The following ERC2 variants were observed in gnomAD, a reference collection of about 807,000 sequenced individuals.
The protein encoded by ERC2 is ERC protein 2.
Under a neutral mutation model 114.8 loss-of-function variants are expected in ERC2, and 42 were observed. The observed-to-expected ratio is 0.37, with a 90% CI of 0.29 to 0.47. ERC2 has a LOEUF of 0.47. Among genes scored for constraint, ERC2 ranks in the 20% least tolerant of loss-of-function variants. The pLI is 0.99. For synonymous variants in ERC2, 454 were observed against 425.5 expected, an observed-to-expected ratio of 1.07 and a Z score of -0.82; for missense variants, 939 against 1,150.7, an observed-to-expected ratio of 0.82 and a Z score of 2.66.
chr3:56,075,921 T>C (rs1273052800), intron 7 of ERC2, among the ~76,000 whole-genome samples: 1 of 152,176 alleles, frequency 6.6e-6, no homozygotes, highest in Non-Finnish European at 1.5e-5. Context: ...GGTATTACTA[T>C]AAAAAAATTT....
intron 1 of ERC2, among the ~76,000 whole-genome samples, chr3:56,458,206 T>A (rs889393524): frequency 6.6e-6 from 1 of 152,194 alleles, no homozygotes; most frequent in Non-Finnish European, 1.5e-5. Flanking sequence ...AATTACTTAG[T>A]TGAACCTTTG....
At chr3:55,853,456 T>C (rs777875091) in intron 14 of ERC2, among the ~76,000 whole-genome samples, 4 of 151,884 alleles carry the variant, frequency 2.6e-5, no homozygotes, top group South Asian at 2.1e-4. Flanking sequence ...GCCCAGGAGG[T>C]TGAGGCTGCC....
At chr3:55,576,177 G>A (rs1452476778) in intron 17 of ERC2, among the ~76,000 whole-genome samples, 2 of 151,942 alleles carry the variant, frequency 1.3e-5, no homozygotes, top group East Asian at 3.9e-4. Flanking sequence ...CAGGCATGGT[G>A]GCACACCTGT....
At chr3:55,708,846 G>A (rs552279450) in intron 15 of ERC2, among the ~76,000 whole-genome samples, 1 of 134,260 alleles carries the variant, frequency 7.4e-6, no homozygotes, top group Admixed American at 7.4e-5. Flanking sequence ...AGAGAGTGAG[G>A]GAGGGAAGAG....
chr3:56,011,953 C>T (rs2072975301), intron 8 of ERC2, among the ~76,000 whole-genome samples: 1 of 152,146 alleles, frequency 6.6e-6, no homozygotes, highest in Admixed American at 6.5e-5. Flanking sequence ...ATATCTAATG[C>T]TTTCAGCGGA....
At chr3:55,919,906 A>G (rs2065318705) in intron 13 of ERC2, among the ~76,000 whole-genome samples, 1 of 152,208 alleles carries the variant, frequency 6.6e-6, no homozygotes, top group Non-Finnish European at 1.5e-5. Flanking sequence ...GAGGCCACTG[A>G]GTAATTGGCC....
At chr3:56,127,727 G>GAAA (rs202062338) in intron 6 of ERC2, among the ~76,000 whole-genome samples, 2 of 81,446 alleles carry the variant, frequency 2.5e-5, no homozygotes, top group Non-Finnish European at 5.5e-5. Context: ...TGTCTCAAAA[G>GAAA]AAAAAAAAAA....
At chr3:56,329,987 CATATATATTTCCAATAAACAT>C (rs1457432167) in intron 2 of ERC2, among the ~76,000 whole-genome samples, 2 of 150,884 alleles carry the variant, frequency 1.3e-5, no homozygotes, top group Non-Finnish European at 2.9e-5. Context: ...TTCAAATATA[CATATATATTTCCAATAAACAT>C]ATATATATTT....
chr3:56,385,024 C>A (rs1470107454), intron 2 of ERC2, among the ~76,000 whole-genome samples: 3 of 152,060 alleles, frequency 2.0e-5, no homozygotes, highest in Non-Finnish European at 2.9e-5. Flanking sequence ...GCCCTTGTTT[C>A]TTTGAGTAAG....
At chr3:56,070,621 A>C (rs1238442207) in intron 7 of ERC2, among the ~76,000 whole-genome samples, 1 of 152,176 alleles carries the variant, frequency 6.6e-6, no homozygotes, top group Non-Finnish European at 1.5e-5. Context: ...TCTGGCCCTG[A>C]ACTGCATTTT....
At chr3:55,819,358 T>C (rs561248617) in intron 14 of ERC2, among the ~76,000 whole-genome samples, 4 of 152,248 alleles carry the variant, frequency 2.6e-5, no homozygotes, top group African/African-American at 9.6e-5. Flanking sequence ...CCATGTAAAA[T>C]CAGATAATGA....
At chr3:56,052,586 T>C (rs1361849621) in intron 7 of ERC2, among the ~76,000 whole-genome samples, 1 of 152,130 alleles carries the variant, frequency 6.6e-6, no homozygotes, top group Non-Finnish European at 1.5e-5. Context: ...TTAAATTCTG[T>C]GTGTGTTGGG....
At chr3:56,167,959 C>A (rs2150008392) in intron 4 of ERC2, among the ~76,000 whole-genome samples, 1 of 152,300 alleles carries the variant, frequency 6.6e-6, no homozygotes, top group South Asian at 2.1e-4. Flanking sequence ...GCCACTCCAT[C>A]TCTCATGAGC....
At chr3:55,770,651 G>C (rs1575549329) in intron 14 of ERC2, among the ~76,000 whole-genome samples, 1 of 151,998 alleles carries the variant, frequency 6.6e-6, no homozygotes, top group Admixed American at 6.6e-5. Flanking sequence ...TTAAGTTCTG[G>C]GATACATGTG....
chr3:55,591,184 C>CT lies in ERC2; in HGVS notation c.*40-79909dup, dbSNP rs5849105. Among the ~76,000 whole-genome samples the CT allele has an allele frequency of 7.5e-3, 1,079 of 144,656 alleles. 5 individuals are homozygous for CT. Among genetic ancestry groups the CT allele is most frequent in the East Asian group, 0.027 (133 of 4,872 alleles). The allele number at this position is 144,656 out of a possible 152,430, so 94.9% of individuals were successfully genotyped here. A position where few individuals can be genotyped will look rare whatever the true frequency, so the allele number is the denominator to read the frequency against. Reference sequence around the variant, plus strand: ...GTTGATTTTCACTTGTGTCTTTTAGCTTTTTTTTTTTTTTTAAACAAATTT... The same window carrying CT: ...GTTGATTTTCACTTGTGTCTTTTAGCTTTTTTTTTTTTTTTTAAACAAATTT... On this transcript the variant is annotated intron_variant, in intron 17 of 17. Coordinates refer to ENST00000288221, the MANE Select transcript of ERC2 (RefSeq NM_015576.3).
At chr3:56,253,210 T>C (rs2052296514) in intron 3 of ERC2, among the ~76,000 whole-genome samples, 1 of 152,176 alleles carries the variant, frequency 6.6e-6, no homozygotes, top group Non-Finnish European at 1.5e-5. Context: ...AAAAATGTAA[T>C]AATAATAACT....
At chr3:56,019,067 A>G (rs1233978750) in intron 7 of ERC2, 36 bp from the exon 8 acceptor site, 3 of 1,539,928 alleles carry the variant, frequency 1.9e-6, no homozygotes, top group East Asian at 4.8e-5. Flanking sequence ...TGCATATTTG[A>G]TTACATATCC....
intron 3 of ERC2, among the ~76,000 whole-genome samples, chr3:56,271,747 C>T (rs1281322744): frequency 4.6e-5 from 7 of 152,046 alleles, no homozygotes; most frequent in Non-Finnish European, 8.8e-5. Context: ...TTTTTTGATC[C>T]TCACCCTCCT....
chr3:56,216,571 G>A (rs1484151412), intron 3 of ERC2, among the ~76,000 whole-genome samples: 1 of 152,170 alleles, frequency 6.6e-6, no homozygotes, highest in Non-Finnish European at 1.5e-5. Flanking sequence ...GGTATAAGGA[G>A]GAACTGGTAC....
Sources: gnomAD v4.1 joint callset for allele counts (sites outside exome capture counted in the v4.1 genomes callset) on GRCh38, gnomAD v4.1.1 for gene constraint, MANE v1.5 for transcripts, NCBI Gene and HGNC (gene_info 2026-07-23, HGNC 2026-07-21) for gene names.